Variants in POLDIP2 observed in about 807,000 individuals in gnomAD.
POLDIP2 encodes polymerase delta-interacting protein 2.
POLDIP2 carries 32 observed loss-of-function variants against 52.9 expected under a neutral mutation model. The observed-to-expected ratio is 0.61, with a 90% CI of 0.46 to 0.81. The LOEUF is 0.81. POLDIP2 is among the 40% of genes least tolerant of loss of function. POLDIP2 has a pLI of 0.00. For missense variants in POLDIP2, 371 were observed against 477.3 expected, an observed-to-expected ratio of 0.78 and a Z score of 2.07; for synonymous variants, 183 against 183.0, an observed-to-expected ratio of 1.00 and a Z score of 0.00.
chr17:28,346,992 A>C lies in POLDIP2; in HGVS notation c.*1125T>G, dbSNP rs1907596873. On this transcript the variant is annotated 3_prime_UTR_variant, in exon 11 of 11. Transcript: ENST00000540200. ...TGGAAGCAAACACTAATTTCTAATA[A>C]AATTGTGTTAAACTCAATGGTACAG... is the stretch of plus-strand genomic sequence containing the variant. 1 of 152,228 alleles carries C rather than the reference A, an allele frequency of 6.6e-6. No individual in the cohort carries two copies. Among genetic ancestry groups the C allele is most frequent in the Non-Finnish European group, 1.5e-5 (1 of 68,050 alleles). The allele number at this position is 152,228 out of a possible 1,614,324, so 9.4% of individuals were successfully genotyped here.
intron 6 of POLDIP2, among the ~76,000 whole-genome samples, chr17:28,352,340 C>CA (rs1318619617): frequency 6.7e-6 from 1 of 150,002 alleles, no homozygotes; most frequent in East Asian, 2.0e-4. Flanking sequence ...CGGGTTCAAG[C>CA]AATTCTTCAG....
Position 28,347,775 on chromosome 17 carries a change from G to T in POLDIP2, c.*342C>A. On this transcript the variant is annotated 3_prime_UTR_variant, in exon 11 of 11. Coordinates refer to ENST00000540200, the MANE Select transcript of POLDIP2 (RefSeq NM_015584.5). ...AGGGGAGCCTGAGACTCTGGGAGCA[G>T]AAATGGCAAGGGTGGCCAAGCGTGC... The T allele has an allele frequency of 5.0e-6, 1 of 198,696 alleles. No homozygotes were observed. Among genetic ancestry groups the T allele is most frequent in the South Asian group, 1.1e-4 (1 of 8,952 alleles). 12.3% of individuals were successfully genotyped at this position (198,696 alleles called of 1,614,324 possible).
chr17:28,354,581 A>G lies in POLDIP2; in HGVS notation c.248T>C (p.Phe83Ser). Residue 83 changes from phenylalanine (F) to serine (S), a missense_variant, in exon 3 of 11, where the codon TTC (phenylalanine) becomes TCC (serine). Transcript: ENST00000540200. ...TCGGTAGCCAAAAATGCTATGAAGG[A>G]AAAGCTGGAAGGAAAGAGGGGCCTC... The part of the protein sequence containing the change: ...QNGKYETGQL[F>S]LHSIFGYRGV... 6.4e-7 allele frequency: 1 copy of G among 1,554,286 alleles called. No individual in the cohort carries two copies. Among genetic ancestry groups the G allele is most frequent in the Non-Finnish European group, 8.7e-7 (1 of 1,147,930 alleles).
intron 1 of POLDIP2, 98 bp downstream of exon 1, chr17:28,357,190 C>T: frequency 1.7e-6 from 2 of 1,145,692 alleles, no homozygotes; most frequent in Non-Finnish European, 2.4e-6. Context: ...ACTCCAGTCA[C>T]CCTCAGCAGG....
chr17:28,357,482 A>C lies in POLDIP2; in HGVS notation c.-34T>G. On this transcript the variant is annotated 5_prime_UTR_variant, in exon 1 of 11. Transcript: ENST00000540200. ...CGAGCGCCCGCCCGGCTGCTGACAC[A>C]GAGCCCGACCCGCGGCCGGGCGGCG... 1.4e-6 allele frequency: 2 copies of C among 1,432,948 alleles called. No homozygotes were observed. Among genetic ancestry groups the C allele is most frequent in the Admixed American group, 6.0e-5 (2 of 33,472 alleles). 88.8% of individuals were successfully genotyped at this position (1,432,948 alleles called of 1,614,324 possible).
chr17:28,355,937 T>C, intron 1 of POLDIP2, 61 bp from the exon 2 acceptor site: 1 of 1,347,908 alleles, frequency 7.4e-7, no homozygotes, highest in Non-Finnish European at 1.0e-6. Flanking sequence ...TAGTTATCCA[T>C]AAGAAAAAGC....
Position 28,348,037 on chromosome 17 carries a change from G to A in POLDIP2, c.*80C>T, listed in dbSNP as rs1907649781. 1.2e-6 allele frequency: 1 copy of A among 808,446 alleles called. No individual in the cohort carries two copies. The highest frequency in any genetic ancestry group is 1.5e-5 in the South Asian group (1 of 67,878). 50.1% of individuals were successfully genotyped at this position (808,446 alleles called of 1,614,324 possible). ...GACCCACTGTGGCCCATGATGGGGAGAGAAGAGTTCTGCAGCAATTGTGGG... is the reference window on the plus strand; with the variant it reads ...GACCCACTGTGGCCCATGATGGGGAAAGAAGAGTTCTGCAGCAATTGTGGG... On this transcript the variant is annotated 3_prime_UTR_variant, in exon 11 of 11. Coordinates refer to ENST00000540200, the MANE Select transcript of POLDIP2 (RefSeq NM_015584.5).
intron 10 of POLDIP2, among the ~76,000 whole-genome samples, chr17:28,348,476 G>A (rs1444212760): frequency 2.6e-5 from 4 of 152,236 alleles, no homozygotes; most frequent in African/African-American, 9.6e-5. Flanking sequence ...GCTGATGCCA[G>A]CAGATCACCT....
chr17:28,348,113 T>C lies in POLDIP2; in HGVS notation c.*4A>G, dbSNP rs1907655926. The C allele has an allele frequency of 6.3e-7, 1 of 1,576,432 alleles. No homozygotes were observed. The highest frequency in any genetic ancestry group is 1.7e-5 in the Admixed American group (1 of 59,958). On this transcript the variant is annotated 3_prime_UTR_variant, in exon 11 of 11. Transcript: ENST00000540200. ...AAGCCTGGGCACTTGGGGCCTCAGC[T>C]GGCCTACCAGTGAAGGCCTGAGGGT...
rs1907648257 is a variant in POLDIP2, at chr17:28,348,024, C to T, written c.*93G>A. Reference sequence around the variant, plus strand: ...AATCAAATTAAGAGACCCACTGTGGCCCATGATGGGGAGAGAAGAGTTCTG... The same window carrying T: ...AATCAAATTAAGAGACCCACTGTGGTCCATGATGGGGAGAGAAGAGTTCTG... On this transcript the variant is annotated 3_prime_UTR_variant, in exon 11 of 11. Transcript: ENST00000540200. The T allele has an allele frequency of 8.2e-6, 6 of 729,178 alleles. No homozygotes were observed. The highest frequency in any genetic ancestry group is 4.9e-5 in the Admixed American group (2 of 40,826). The allele number at this position is 729,178 out of a possible 1,614,324, so 45.2% of individuals were successfully genotyped here.
chr17:28,351,052 C>T (rs1323200384), intron 7 of POLDIP2, among the ~76,000 whole-genome samples: 1 of 152,168 alleles, frequency 6.6e-6, no homozygotes, highest in South Asian at 2.1e-4. Flanking sequence ...AAATCAGTTA[C>T]AGGGCTCTTA....
chr17:28,354,613 TCTG>T, intron 2 of POLDIP2, 28 bp from the exon 3 acceptor site: 1 of 1,457,774 alleles, frequency 6.9e-7, no homozygotes, highest in Non-Finnish European at 9.4e-7. Flanking sequence ...CCTCAGTGAG[TCTG>T]CAGTCCAGCA....
Position 28,357,458 on chromosome 17 carries a change from G to A in POLDIP2, c.-10C>T, listed in dbSNP as rs1555581241. ...CTGTACAGGCTGCCATGTCCCGCCC[G>A]AGCGCCCGCCCGGCTGCTGACACAG... On this transcript the variant is annotated 5_prime_UTR_variant, in exon 1 of 11. Transcript: ENST00000540200. 2 of 1,432,430 alleles carry A rather than the reference G, an allele frequency of 1.4e-6. No individual in the cohort carries two copies. The highest frequency in any genetic ancestry group is 1.8e-6 in the Non-Finnish European group (2 of 1,106,824). 88.7% of individuals were successfully genotyped at this position (1,432,430 alleles called of 1,614,324 possible). A position where few individuals can be genotyped will look rare whatever the true frequency, so the allele number is the denominator to read the frequency against.
Position 28,350,631 on chromosome 17 carries a change from G to A in POLDIP2, c.787-68C>T, listed in dbSNP as rs373165734. 4.4e-6 allele frequency: 7 copies of A among 1,589,368 alleles called. No homozygotes were observed. In the African/African-American group the frequency reaches 9.4e-5, roughly 21 times the overall value. On this transcript the variant is annotated intron_variant, in intron 8 of 10. Coordinates refer to ENST00000540200, the MANE Select transcript of POLDIP2 (RefSeq NM_015584.5). Reference sequence around the variant, plus strand: ...TGGGTAACCCTCCTCAGAATTCTGTGCAAAGCAAAAGTCAACAAAGCTGAC... The same window carrying A: ...TGGGTAACCCTCCTCAGAATTCTGTACAAAGCAAAAGTCAACAAAGCTGAC...
At chr17:28,349,261 G>A in intron 9 of POLDIP2, 99 bp from the exon 10 acceptor site, 2 of 784,138 alleles carry the variant, frequency 2.6e-6, no homozygotes, top group Non-Finnish European at 4.2e-6. Context: ...AAGACTGGAT[G>A]TCCCCTACCC....
chr17:28,354,665 G>A lies in POLDIP2; in HGVS notation c.244-80C>T. On this transcript the variant is annotated intron_variant, in intron 2 of 10. Transcript: ENST00000540200. ...GGGCCCCAGACCACAAAGCAACACA[G>A]GTGGAGGCAACTCCAGCACAAGGTC... The A allele has an allele frequency of 3.4e-6, 3 of 876,452 alleles. No individual in the cohort carries two copies. In the South Asian group the frequency reaches 4.3e-5, roughly 12 times the overall value. 54.3% of individuals were successfully genotyped at this position (876,452 alleles called of 1,614,324 possible).
At chr17:28,356,768 C>T (rs76514752) in intron 1 of POLDIP2, among the ~76,000 whole-genome samples, 5,833 of 152,256 alleles carry the variant, frequency 0.038, 160 homozygotes, top group Middle Eastern at 0.058. Context: ...ATCCGCCTGT[C>T]CCATCCGTGG....
At chr17:28,350,702 C>A (rs1164473040) in intron 8 of POLDIP2, 64 bp downstream of exon 8, 5 of 1,564,374 alleles carry the variant, frequency 3.2e-6, no homozygotes, top group South Asian at 1.2e-5. Context: ...TGGGCTCCCC[C>A]ACCTCCACCC....
chr17:28,350,911 G>A, intron 7 of POLDIP2, 119 bp from the exon 8 acceptor site: 1 of 832,666 alleles, frequency 1.2e-6, no homozygotes. Flanking sequence ...CAAGCTGAGA[G>A]TATCTGTGGG....
Sources: gnomAD v4.1 joint callset for allele counts (sites outside exome capture counted in the v4.1 genomes callset) on GRCh38, gnomAD v4.1.1 for gene constraint, MANE v1.5 for transcripts, NCBI Gene and HGNC (gene_info 2026-07-23, HGNC 2026-07-21) for gene names.